The following CNGB3 variants were observed in gnomAD, a reference collection of about 807,000 sequenced individuals.
CNGB3 encodes the protein cyclic nucleotide gated channel subunit beta 3.
In CNGB3, 86 loss-of-function variants were observed where a neutral mutation model predicts 92.8. That is an observed-to-expected ratio of 0.93 (90% CI 0.78 to 1.11). The LOEUF (loss-of-function observed/expected upper bound fraction) is 1.11. Among genes scored for constraint, CNGB3 ranks in the 50% least tolerant of loss-of-function variants. The pLI, the probability that CNGB3 is intolerant of heterozygous loss-of-function variation, is 0.00. For synonymous variants in CNGB3, 333 were observed against 332.7 expected (o/e 1.00, Z -0.01); for missense variants, 1,026 against 956.8 (o/e 1.07, Z -0.95).
intron 13 of CNGB3, among the ~76,000 whole-genome samples, chr8:86,619,053 C>T (rs775388811): frequency 3.9e-5 from 6 of 152,222 alleles, no homozygotes; most frequent in Non-Finnish European, 7.3e-5. Flanking sequence ...ATTACCAGAG[C>T]AGCAAATAGA....
At chr8:86,734,925 C>G (rs1221617339) in intron 2 of CNGB3, among the ~76,000 whole-genome samples, 1 of 151,842 alleles carries the variant, frequency 6.6e-6, no homozygotes, top group Admixed American at 6.6e-5. Context: ...CAGTGTTGTC[C>G]TTATTTTATA....
chr8:86,694,376 A>G (rs1188847583), intron 3 of CNGB3, among the ~76,000 whole-genome samples: 1 of 142,240 alleles, frequency 7.0e-6, no homozygotes, highest in Admixed American at 7.0e-5. Flanking sequence ...TCCCTCCCGG[A>G]CGGGGTGGCT....
At chr8:86,642,027 C>T (rs13253975) in intron 10 of CNGB3, among the ~76,000 whole-genome samples, 9,566 of 151,654 alleles carry the variant, frequency 0.063, 333 homozygotes, top group South Asian at 0.11. Flanking sequence ...CCATTCCTTT[C>T]GTTTTTCCTT....
intron 2 of CNGB3, 33 bp downstream of exon 2, chr8:86,739,622 T>G (rs1461659347): frequency 1.5e-6 from 1 of 665,296 alleles, no homozygotes; most frequent in Admixed American, 4.7e-5. Context: ...ACTTTTTAGT[T>G]TTTTTTTTTT....
chr8:86,711,835 C>G (rs11774151), intron 3 of CNGB3, among the ~76,000 whole-genome samples: 8,680 of 123,766 alleles, frequency 0.07, 327 homozygotes, highest in East Asian at 0.15. Flanking sequence ...CTCTCTCTCT[C>G]TATATATATA....
At chr8:86,640,550 T>A (rs569321900) in intron 10 of CNGB3, among the ~76,000 whole-genome samples, 1 of 152,218 alleles carries the variant, frequency 6.6e-6, no homozygotes, top group African/African-American at 2.4e-5. Context: ...GTTTTTGTTC[T>A]CTGTTTCTGC....
intron 14 of CNGB3, among the ~76,000 whole-genome samples, chr8:86,609,693 TG>T (rs1457582625): frequency 6.6e-6 from 1 of 152,200 alleles, no homozygotes; most frequent in Non-Finnish European, 1.5e-5. Flanking sequence ...CTCCACCTGA[TG>T]CCTTGAAGTA....
At chr8:86,653,981 G>A (rs753749089) in intron 7 of CNGB3, 31 bp downstream of exon 7, 69 of 1,469,034 alleles carry the variant, frequency 4.7e-5, no homozygotes, top group Non-Finnish European at 5.2e-5. Flanking sequence ...AATAGATCAC[G>A]TGAGCAACTT....
At chr8:86,659,920 A>G in intron 6 of CNGB3, 1 of 371,192 alleles carries the variant, frequency 2.7e-6, no homozygotes, top group Non-Finnish European at 5.4e-6. Flanking sequence ...GAGGCAAGAC[A>G]ATTGAGCTGT....
At chr8:86,594,510 C>A in intron 15 of CNGB3, 1 of 316,198 alleles carries the variant, frequency 3.2e-6, no homozygotes, top group Non-Finnish European at 6.1e-6. Context: ...TGGAAGCCAG[C>A]CTTGTCTTTG....
Position 86,626,888 on chromosome 8 carries a change from G to C in CNGB3, c.1481-808C>G, listed in dbSNP as rs111699810. Among the ~76,000 whole-genome samples, 604 of 151,462 alleles carry C rather than the reference G, an allele frequency of 4.0e-3. 5 individuals are homozygous for C. The highest frequency in any genetic ancestry group is 0.012 in the African/African-American group (509 of 41,242). ...GTATTTTAAGTTCTGGGGTACATGT[G>C]CAAGTTTGTTATACGGTAAACTCAT... On this transcript the variant is annotated intron_variant, in intron 12 of 17. Transcript: ENST00000320005.
Position 86,643,744 on chromosome 8 carries a change from A to G in CNGB3, c.1178+7T>C, listed in dbSNP as rs1823236336. On this transcript the variant is annotated splice_region_variant and intron_variant, in intron 10 of 17. Coordinates refer to ENST00000320005, the MANE Select transcript of CNGB3 (RefSeq NM_019098.5). Reference sequence around the variant, plus strand: ...CAATAAAGGTTTCTTTCAAAATCAGAACTTACTCGTTTCCTTCCCCATCAT... The same window carrying G: ...CAATAAAGGTTTCTTTCAAAATCAGGACTTACTCGTTTCCTTCCCCATCAT... 2 of 1,605,024 alleles carry G rather than the reference A, an allele frequency of 1.2e-6. No homozygotes were observed. Among genetic ancestry groups the G allele is most frequent in the Non-Finnish European group, 1.7e-6 (2 of 1,174,166 alleles).
chr8:86,670,229 T>C (rs555860675), intron 4 of CNGB3, among the ~76,000 whole-genome samples: 391 of 152,358 alleles, frequency 2.6e-3, no homozygotes, highest in Non-Finnish European at 4.5e-3. Context: ...GGTTTGTTGA[T>C]GTCCTTTGCT....
rs111380313 is a variant in CNGB3, at chr8:86,592,111, C to T, written c.1781+11982G>A. On this transcript the variant is annotated intron_variant, in intron 15 of 17. Transcript: ENST00000320005. ...GGGAGTGACCCGATTTTCCAGGTGC[C>T]GTCCGTCACCCCTTTCTTTGATTAG... Among the ~76,000 whole-genome samples, 1,361 of 151,648 alleles carry T rather than the reference C, an allele frequency of 9.0e-3. 24 individuals carry two copies. The highest frequency in any genetic ancestry group is 0.03 in the African/African-American group (1,236 of 41,218).
At chr8:86,651,159 G>T (rs541121247) in intron 7 of CNGB3, among the ~76,000 whole-genome samples, 19 of 151,524 alleles carry the variant, frequency 1.3e-4, no homozygotes, top group South Asian at 1.0e-3. Flanking sequence ...AGACCAGAAG[G>T]GGGGGTGTGT....
chr8:86,615,381 T>C (rs1321606559), intron 13 of CNGB3, among the ~76,000 whole-genome samples: 1 of 152,064 alleles, frequency 6.6e-6, no homozygotes, highest in East Asian at 1.9e-4. Flanking sequence ...GGTGGGTGGA[T>C]TGCTTGAGCT....
chr8:86,587,653 T>C lies in CNGB3; in HGVS notation c.1782-8401A>G, dbSNP rs867528210. 9.4e-3 allele frequency among the ~76,000 whole-genome samples: 1,429 copies of C among 151,638 alleles called. 7 individuals carry two copies. The highest frequency in any genetic ancestry group is 0.024 in the Middle Eastern group (7 of 294). ...GTCAAAGATCAGATAGTTGTAGATA[T>C]GCGGCGTTATTTCTGAGGGCTCTGT... is the stretch of plus-strand genomic sequence containing the variant. On this transcript the variant is annotated intron_variant, in intron 15 of 17. Transcript: ENST00000320005.
chr8:86,615,706 G>C (rs930185634), intron 13 of CNGB3, among the ~76,000 whole-genome samples: 7 of 151,972 alleles, frequency 4.6e-5, no homozygotes, highest in Non-Finnish European at 1.0e-4. Flanking sequence ...TCTGAATATA[G>C]AATATATTCA....
chr8:86,644,497 A>C (rs1823255489), intron 9 of CNGB3, 125 bp downstream of exon 9: 3 of 1,279,322 alleles, frequency 2.3e-6, no homozygotes, highest in Non-Finnish European at 3.2e-6. Context: ...CCTATATTTT[A>C]TATAGCCAAA....
Sources: gnomAD v4.1 joint callset for allele counts (sites outside exome capture counted in the v4.1 genomes callset) on GRCh38, gnomAD v4.1.1 for gene constraint, MANE v1.5 for transcripts, NCBI Gene and HGNC (gene_info 2026-07-23, HGNC 2026-07-21) for gene names.